Variants in LYST observed in about 807,000 individuals in gnomAD.
The protein encoded by LYST is lysosomal trafficking regulator, also known as lysosomal-trafficking regulator.
LYST carries 192 observed loss-of-function variants against 413.6 expected under a neutral mutation model. The observed-to-expected ratio is 0.46, with a 90% confidence interval of 0.41 to 0.52. The LOEUF is 0.52. Among genes scored for constraint, LYST ranks in the 20% least tolerant of loss-of-function variants. LYST has a pLI of 0.00. For missense variants in LYST, 3,815 were observed against 4,499.9 expected (o/e 0.85, Z 4.35); for synonymous variants, 1,525 against 1,567.3 (o/e 0.97, Z 0.64).
Position 235,835,954 on chromosome 1 carries a change from T to C in LYST, c.-97-2287A>G, listed in dbSNP as rs530656417. ...TCAATTTCTAATACAACAATTGTTATAATGTCATAACAAAGAAAACTTGCC... is the reference window on the plus strand; with the variant it reads ...TCAATTTCTAATACAACAATTGTTACAATGTCATAACAAAGAAAACTTGCC... On this transcript the variant is annotated intron_variant, in intron 1 of 52. Coordinates refer to ENST00000389793, the MANE Select transcript of LYST (RefSeq NM_000081.4). Among the ~76,000 whole-genome samples, 6 of 152,320 alleles carry C rather than the reference T, an allele frequency of 3.9e-5. No homozygotes were observed. In the South Asian group the frequency reaches 1.2e-3, roughly 32 times the overall value.
At chr1:235,667,698 G>A (rs1229679403) in intron 50 of LYST, among the ~76,000 whole-genome samples, 1 of 150,056 alleles carries the variant, frequency 6.7e-6, no homozygotes, top group Non-Finnish European at 1.5e-5. Flanking sequence ...ATGGAGTCTC[G>A]CTCTGTTGCC....
intron 38 of LYST, among the ~76,000 whole-genome samples, chr1:235,725,089 G>A (rs1319134488): frequency 3.3e-5 from 5 of 152,176 alleles, no homozygotes; most frequent in Admixed American, 6.5e-5. Flanking sequence ...CTAAAACCTA[G>A]GAAGGGATTT....
At chr1:235,671,957 G>T (rs1184924713) in intron 50 of LYST, among the ~76,000 whole-genome samples, 1 of 152,216 alleles carries the variant, frequency 6.6e-6, no homozygotes, top group African/African-American at 2.4e-5. Flanking sequence ...TGTGATAGAT[G>T]TTAGGGTAGG....
intron 5 of LYST, among the ~76,000 whole-genome samples, chr1:235,808,094 C>T (rs1673062355): frequency 6.6e-6 from 1 of 152,152 alleles, no homozygotes; most frequent in South Asian, 2.1e-4. Context: ...TCTTGGATAT[C>T]TGTGTTTCAT....
intron 25 of LYST, among the ~76,000 whole-genome samples, chr1:235,755,080 CAAAAAAA>C (rs763926458): frequency 1.0e-4 from 3 of 28,986 alleles, no homozygotes; most frequent in Admixed American, 6.4e-4. Context: ...GACATTGTCT[CAAAAAAA>C]AAAAAAAAAA....
In LYST at chr1:235,715,427, GT is replaced by G. The variant is rs547838082; in HGVS notation, c.9628-71del. 352 of 1,452,236 alleles carry G rather than the reference GT, an allele frequency of 2.4e-4. 1 individual carries two copies. In the African/African-American group the frequency reaches 3.8e-3, roughly 16 times the overall value. 90.0% of individuals were successfully genotyped at this position (1,452,236 alleles called of 1,614,324 possible). A position where few individuals can be genotyped will look rare whatever the true frequency, so the allele number is the denominator to read the frequency against. On this transcript the variant is annotated intron_variant, in intron 41 of 52. Coordinates refer to ENST00000389793, the MANE Select transcript of LYST (RefSeq NM_000081.4). ...AGGCAACGCTAGAAAAGTGCTGGAT[GT>G]TTTTTTTTCTCTCCTTCTCTACTAC...
chr1:235,750,518 T>A (rs1666380579), intron 28 of LYST, among the ~76,000 whole-genome samples: 1 of 152,158 alleles, frequency 6.6e-6, no homozygotes, highest in African/African-American at 2.4e-5. Context: ...ATTTACCAAA[T>A]ACTCTGGAGA....
At position 235,813,882 on chromosome 1, in the gene LYST, G is replaced by C. The variant is rs76060112; in HGVS notation, c.193-821C>G. ...TTGAGTTCTCGCCTTACACCAATCA[G>C]TGGGAGAGGGGGTCGCATGATGACA... On this transcript the variant is annotated intron_variant, in intron 3 of 52. Coordinates refer to ENST00000389793, the MANE Select transcript of LYST (RefSeq NM_000081.4). 1.1e-3 allele frequency among the ~76,000 whole-genome samples: 160 copies of C among 152,316 alleles called. 3 individuals are homozygous for C. The East Asian group carries it at 0.027, about 26-fold the overall frequency.
intron 24 of LYST, 38 bp from the exon 25 acceptor site, chr1:235,755,685 A>C (rs1477134031): frequency 9.7e-7 from 1 of 1,035,160 alleles, no homozygotes; most frequent in Non-Finnish European, 1.5e-6. Flanking sequence ...ATAATGCATT[A>C]AAATTAAATA....
In LYST at chr1:235,793,565, T is replaced by C. The variant is rs142397962; in HGVS notation, c.4054A>G (p.Arg1352Gly). 4.3e-5 allele frequency: 69 copies of C among 1,604,376 alleles called. No homozygotes were observed. The African/African-American group carries it at 8.6e-4, about 20-fold the overall frequency. ...VDLLVSLMSSRTCSEELTLLL... is the reference protein window; with the variant it reads ...VDLLVSLMSSGTCSEELTLLL... ...AGGGTTAGCTCTTCTGAACATGTTC[T>C]TGAACTCATCAAAGATACCAAAAGA... Residue 1352 changes from arginine to glycine, a missense_variant, in exon 11 of 53, where the codon AGA becomes GGA. Physicochemically the swap from Arg to Gly is moderately radical, Grantham distance 125. Coordinates refer to ENST00000389793, the MANE Select transcript of LYST (RefSeq NM_000081.4).
intron 10 of LYST, among the ~76,000 whole-genome samples, chr1:235,794,368 T>C (rs1437624349): frequency 6.6e-6 from 1 of 152,182 alleles, no homozygotes; most frequent in Admixed American, 6.5e-5. Context: ...ACAAACTATT[T>C]AGTTTGAACA....
intron 8 of LYST, among the ~76,000 whole-genome samples, chr1:235,802,214 A>G (rs927318499): frequency 6.6e-6 from 1 of 150,854 alleles, no homozygotes; most frequent in Non-Finnish European, 1.5e-5. Flanking sequence ...AAAAAAAAAA[A>G]AAAAAACTAG....
chr1:235,718,110 C>T (rs1185772618), intron 40 of LYST, among the ~76,000 whole-genome samples: 1 of 151,754 alleles, frequency 6.6e-6, no homozygotes, highest in Admixed American at 6.6e-5. Flanking sequence ...GTGATCCATC[C>T]ACCTCGGCCT....
intron 50 of LYST, among the ~76,000 whole-genome samples, chr1:235,673,649 G>A (rs1413961457): frequency 6.6e-6 from 1 of 152,034 alleles, no homozygotes; most frequent in South Asian, 2.1e-4. Context: ...CCCACCTTAG[G>A]TGCTTCTATG....
chr1:235,728,663 G>A (rs950623874), intron 37 of LYST, among the ~76,000 whole-genome samples: 3 of 152,054 alleles, frequency 2.0e-5, no homozygotes, highest in African/African-American at 7.2e-5. Flanking sequence ...TCCCTACATC[G>A]TGTTTTAAAA....
chr1:235,834,792 A>G (rs989632924), intron 1 of LYST, among the ~76,000 whole-genome samples: 1 of 152,148 alleles, frequency 6.6e-6, no homozygotes, highest in Non-Finnish European at 1.5e-5. Flanking sequence ...TCACCCCCTC[A>G]TTCCTCTGGC....
chr1:235,811,838 T>C (rs964902534), intron 4 of LYST, among the ~76,000 whole-genome samples: 2 of 152,122 alleles, frequency 1.3e-5, no homozygotes, highest in Non-Finnish European at 2.9e-5. Context: ...ATTAATCAGA[T>C]TTCTTAAGTG....
intron 3 of LYST, 26 bp downstream of exon 3, chr1:235,830,200 G>T: frequency 6.6e-7 from 1 of 1,514,306 alleles, no homozygotes; most frequent in Non-Finnish European, 9.2e-7. Flanking sequence ...ATTGATGAAA[G>T]TAAGTATTTG....
Position 235,709,080 on chromosome 1 carries a change from G to A in LYST, c.10143+11C>T. On this transcript the variant is annotated intron_variant, in intron 44 of 52. Coordinates refer to ENST00000389793, the MANE Select transcript of LYST (RefSeq NM_000081.4). Reference sequence around the variant, plus strand: ...TATATAAATACAGATTGTTTTAAAAGAGTCACTTACAGCAGGATGAAAAAC... The same window carrying A: ...TATATAAATACAGATTGTTTTAAAAAAGTCACTTACAGCAGGATGAAAAAC... 1.2e-6 allele frequency: 2 copies of A among 1,610,348 alleles called. No individual in the cohort carries two copies. Among genetic ancestry groups the A allele is most frequent in the Non-Finnish European group, 1.7e-6 (2 of 1,176,596 alleles).
Sources: gnomAD v4.1 joint callset for allele counts (sites outside exome capture counted in the v4.1 genomes callset) on GRCh38, gnomAD v4.1.1 for gene constraint, MANE v1.5 for transcripts, NCBI Gene and HGNC (gene_info 2026-07-23, HGNC 2026-07-21) for gene names.